HYDIN: variants seen among roughly 807,000 people sequenced by gnomAD.
The protein encoded by HYDIN is axonemal central pair apparatus protein HYDIN.
In HYDIN, 132 loss-of-function variants were observed where a neutral mutation model predicts 403.9. That is an observed-to-expected ratio of 0.33 (90% CI 0.28 to 0.38). The LOEUF (loss-of-function observed/expected upper bound fraction) is 0.38, where lower values mean the gene tolerates loss of function less well. Ranked by LOEUF, HYDIN falls within the 10% of genes least tolerant of loss-of-function variation. The pLI, the probability that HYDIN is intolerant of heterozygous loss-of-function variation, is 1.00. For synonymous variants in HYDIN, 1,202 were observed against 1,891.7 expected, an observed-to-expected ratio of 0.64 and a Z score of 9.46; for missense variants, 2,827 against 5,009.5, an observed-to-expected ratio of 0.56 and a Z score of 13.15.
chr16:71,219,350 T>C (rs1354586797), intron 1 of HYDIN, among the ~76,000 whole-genome samples: 1 of 152,132 alleles, frequency 6.6e-6, no homozygotes, highest in Non-Finnish European at 1.5e-5. Context: ...CCAGTGAAAT[T>C]ACAAGAGATT....
rs369335707 is a variant in HYDIN, at chr16:71,063,784, G to C, written c.2211+921C>G. Among the ~76,000 whole-genome samples the C allele has an allele frequency of 9.1e-4, 138 of 152,188 alleles. 1 individual carries two copies. The highest frequency in any genetic ancestry group is 2.3e-3 in the African/African-American group (94 of 41,536). On this transcript the variant is annotated intron_variant, in intron 16 of 85. Transcript: ENST00000393567. ...TTCAGATTAAACACACATATGATTG[G>C]ATTTGCAGATGCCATGGATTGCCAT...
chr16:70,938,079 C>T (rs2077549898), intron 44 of HYDIN, among the ~76,000 whole-genome samples: 1 of 152,182 alleles, frequency 6.6e-6, no homozygotes, highest in African/African-American at 2.4e-5. Context: ...GAGGATCTGC[C>T]CAGGCTGAGG....
intron 58 of HYDIN, among the ~76,000 whole-genome samples, chr16:70,887,147 C>A (rs977449325): frequency 7.9e-5 from 12 of 152,182 alleles, no homozygotes; most frequent in African/African-American, 2.9e-4. Flanking sequence ...TACTTTCTCT[C>A]TTTTATTTAG....
At chr16:70,857,147 T>C (rs1327638027) in intron 72 of HYDIN, among the ~76,000 whole-genome samples, 1 of 125,040 alleles carries the variant, frequency 8.0e-6, no homozygotes, top group East Asian at 2.2e-4. Context: ...TGACATGGTG[T>C]ATAGTTTCCT....
rs2041523769 is a variant in HYDIN, at chr16:70,892,401, T to G, written c.9377A>C (p.Lys3126Thr). The G allele has an allele frequency of 6.3e-7, 1 of 1,585,224 alleles. No homozygotes were observed. Among genetic ancestry groups the G allele is most frequent in the African/African-American group, 1.4e-5 (1 of 73,748 alleles). ...AGGCTGGTGCTCAATCTTCACTTCC[T>G]TTTTTGCATGGAAGAAAACTTGGAC... is the stretch of plus-strand genomic sequence containing the variant. Reference protein sequence around the residue: ...TNVQVFFHAKKEVKIEHQPVL... With the variant: ...TNVQVFFHAKTEVKIEHQPVL... The change falls in exon 56 of 86, where the codon AAG becomes ACG. Residue 3126 changes from lysine (K) to threonine (T), a missense_variant. Physicochemically the swap from Lys to Thr is moderately conservative, Grantham distance 78 (BLOSUM62 -1). Transcript: ENST00000393567.
intron 1 of HYDIN, among the ~76,000 whole-genome samples, chr16:71,193,501 G>C (rs2087538494): frequency 6.6e-6 from 1 of 152,140 alleles, no homozygotes; most frequent in Admixed American, 6.5e-5. Flanking sequence ...TGTCTTTATA[G>C]ATTTGCACCA....
At chr16:70,986,604 G>T (rs977400461) in intron 27 of HYDIN, among the ~76,000 whole-genome samples, 6 of 152,276 alleles carry the variant, frequency 3.9e-5, no homozygotes, top group Admixed American at 3.3e-4. Context: ...AATTTGGTAG[G>T]AGATATGGTC....
intron 84 of HYDIN, among the ~76,000 whole-genome samples, chr16:70,812,492 A>C (rs2035571268): frequency 6.6e-6 from 1 of 152,020 alleles, no homozygotes; most frequent in Admixed American, 6.5e-5. Flanking sequence ...TGTCACAAAC[A>C]AACAAACCCG....
intron 11 of HYDIN, among the ~76,000 whole-genome samples, chr16:71,089,602 T>C (rs1384653232): frequency 6.6e-6 from 1 of 152,198 alleles, no homozygotes; most frequent in Non-Finnish European, 1.5e-5. Flanking sequence ...AGAGTAAGTC[T>C]GGAGCAAAGG....
chr16:71,087,396 C>T (rs1392004880), intron 12 of HYDIN, among the ~76,000 whole-genome samples: 2 of 147,624 alleles, frequency 1.4e-5, no homozygotes, highest in Non-Finnish European at 3.0e-5. Context: ...TGTCTGTGTC[C>T]TAATGTCCTC....
Position 70,809,811 on chromosome 16 carries a change from G to A in HYDIN, c.14855C>T (p.Thr4952Ile). 6.2e-7 allele frequency: 1 copy of A among 1,614,158 alleles called. No individual in the cohort carries two copies. The highest frequency in any genetic ancestry group is 8.5e-7 in the Non-Finnish European group (1 of 1,179,996). The change falls in exon 85 of 86, where the codon ACA (threonine) becomes ATA (isoleucine). Residue 4952 changes from threonine (T) to isoleucine (I), a missense_variant. Thr to Ile is a moderately conservative substitution (Grantham distance 89). Coordinates refer to ENST00000393567, the MANE Select transcript of HYDIN (RefSeq NM_001270974.2). Reference protein sequence around the residue: ...QIILVKFINYTRQRTEYYCRT... With the variant: ...QIILVKFINYIRQRTEYYCRT... Reference sequence around the variant, plus strand: ...GCAGTAGTATTCTGTCCTCTGCCGTGTGTAATTGATGAACTTCACAAGGAT... The same window carrying A: ...GCAGTAGTATTCTGTCCTCTGCCGTATGTAATTGATGAACTTCACAAGGAT...
intron 1 of HYDIN, among the ~76,000 whole-genome samples, chr16:71,200,654 C>G (rs1478531570): frequency 6.6e-6 from 1 of 152,202 alleles, no homozygotes; most frequent in African/African-American, 2.4e-5. Context: ...AGAAAGGGCA[C>G]ATTTTCCAGA....
chr16:70,915,042 C>T (rs1023511540), intron 47 of HYDIN, among the ~76,000 whole-genome samples: 1 of 151,206 alleles, frequency 6.6e-6, no homozygotes, highest in Non-Finnish European at 1.5e-5. Context: ...CCCTTTACTT[C>T]TTCTATCATT....
rs62037611 is a variant in HYDIN, at chr16:71,046,915, G to T, written c.2529+13589C>A. ...GACCATGACAGCCATCTCTTAAAAG[G>T]GACATAAATCGAGTTGATGATGATG... is the stretch of plus-strand genomic sequence containing the variant. On this transcript the variant is annotated intron_variant, in intron 18 of 85. Transcript: ENST00000393567. Among the ~76,000 whole-genome samples, 9 of 152,026 alleles carry T rather than the reference G, an allele frequency of 5.9e-5. No individual in the cohort carries two copies. In the East Asian group the frequency reaches 1.5e-3, roughly 26 times the overall value.
rs1372046776 is a variant in HYDIN, at chr16:70,972,748, AAC to A, written c.5379+593_5379+594del. Among the ~76,000 whole-genome samples the A allele has an allele frequency of 3.9e-5, 6 of 152,224 alleles. No homozygotes were observed. In the East Asian group the frequency reaches 1.2e-3, roughly 29 times the overall value. ...TCAAATTCAGATTTTTCAAATAGTA[AAC>A]ACAGTGCATATACCCTATGTTACCT... On this transcript the variant is annotated intron_variant, in intron 35 of 85. Transcript: ENST00000393567.
At chr16:70,833,156 C>T in intron 79 of HYDIN, 89 bp from the exon 80 acceptor site, 1 of 1,188,838 alleles carries the variant, frequency 8.4e-7, no homozygotes, top group South Asian at 1.6e-5. Flanking sequence ...ACTGCCTAGG[C>T]TGAGGTTCAC....
chr16:71,213,762 A>C (rs916286340), intron 1 of HYDIN, among the ~76,000 whole-genome samples: 3 of 152,176 alleles, frequency 2.0e-5, no homozygotes, highest in Non-Finnish European at 4.4e-5. Context: ...TAGCAAATTA[A>C]AAATAGAAGT....
In HYDIN at chr16:70,901,138, T is replaced by C. The variant is rs775028048; in HGVS notation, c.8914A>G (p.Ser2972Gly). 1 of 947,456 alleles carries C rather than the reference T, an allele frequency of 1.1e-6. No homozygotes were observed. Among genetic ancestry groups the C allele is most frequent in the Non-Finnish European group, 1.6e-6 (1 of 607,858 alleles). 58.7% of individuals were successfully genotyped at this position (947,456 alleles called of 1,614,324 possible). A position where few individuals can be genotyped will look rare whatever the true frequency, so the allele number is the denominator to read the frequency against. ...TLLPVAWRIT[S>G]LEHLGDDFTV... is the part of the protein sequence containing the mutation. ...AAATCATCACCCAAGTGCTCCAGGC[T>C]GGTGATCCGCCAGGCCACAGGCAGG... is the stretch of plus-strand genomic sequence containing the variant. The change falls in exon 53 of 86, where the codon AGC becomes GGC. Residue 2972 changes from serine to glycine, a missense_variant. Physicochemically the swap from Ser to Gly is moderately conservative, Grantham distance 56. Transcript: ENST00000393567.
intron 1 of HYDIN, among the ~76,000 whole-genome samples, chr16:71,228,542 C>A (rs1227237045): frequency 1.3e-5 from 2 of 152,156 alleles, no homozygotes; most frequent in Admixed American, 6.5e-5. Context: ...ATGCAGCCAA[C>A]AGACACATGA....
Sources: gnomAD v4.1 joint callset for allele counts (sites outside exome capture counted in the v4.1 genomes callset) on GRCh38, gnomAD v4.1.1 for gene constraint, MANE v1.5 for transcripts, NCBI Gene and HGNC (gene_info 2026-07-23, HGNC 2026-07-21) for gene names.